The following ATP1B3 variants were observed in gnomAD, a reference collection of about 807,000 sequenced individuals.
ATP1B3 encodes ATPase Na+/K+ transporting subunit beta 3.
A neutral mutation model predicts 30.2 loss-of-function variants in ATP1B3; 10 were observed. The ratio of observed to expected loss-of-function variants is 0.33; its 90% confidence interval spans 0.20 to 0.56. ATP1B3 has a LOEUF of 0.56. Among genes scored for constraint, ATP1B3 ranks in the 20% least tolerant of loss-of-function variants. The probability of loss-of-function intolerance (pLI) is 0.90; values close to 1 mark genes in which losing one functional copy is unlikely to be tolerated. For missense variants in ATP1B3, 238 were observed against 336.7 expected, an observed-to-expected ratio of 0.71 and a Z score of 2.29; for synonymous variants, 113 against 117.0, an observed-to-expected ratio of 0.97 and a Z score of 0.22.
chr3:141,920,001 G>C (rs1287195914), intron 5 of ATP1B3, among the ~76,000 whole-genome samples: 1 of 152,018 alleles, frequency 6.6e-6, no homozygotes, highest in African/African-American at 2.4e-5. Context: ...TTCACCCTGA[G>C]TACCTCATTA....
intron 1 of ATP1B3, 35 bp downstream of exon 1, chr3:141,876,945 C>A: frequency 1.3e-6 from 2 of 1,508,220 alleles, no homozygotes; most frequent in Non-Finnish European, 1.8e-6. Flanking sequence ...CGGGGCCGGC[C>A]TCGGTCCCGG....
At chr3:141,882,834 C>T (rs1933754876) in intron 1 of ATP1B3, among the ~76,000 whole-genome samples, 1 of 152,166 alleles carries the variant, frequency 6.6e-6, no homozygotes, top group Non-Finnish European at 1.5e-5. Context: ...GATCCACATG[C>T]CTTGGCCTCC....
chr3:141,924,959 AAATT>A (rs895272231), intron 6 of ATP1B3, among the ~76,000 whole-genome samples: 4 of 152,114 alleles, frequency 2.6e-5, no homozygotes, highest in African/African-American at 9.6e-5. Context: ...CCTCACAAAA[AAATT>A]AATAATAATA....
intron 1 of ATP1B3, among the ~76,000 whole-genome samples, chr3:141,879,847 C>A (rs1933689007): frequency 1.3e-5 from 1 of 77,228 alleles, no homozygotes; most frequent in Admixed American, 1.3e-4. Context: ...AGAAAAACAG[C>A]CTTTTGTCAT....
chr3:141,904,703 C>CTTT (rs35178202), intron 2 of ATP1B3, among the ~76,000 whole-genome samples: 2,348 of 89,316 alleles, frequency 0.026, 167 homozygotes, highest in African/African-American at 0.092. Flanking sequence ...TTTAAACAGT[C>CTTT]TTTTTTTTTT....
At chr3:141,895,121 TTG>T (rs1161073113) in intron 1 of ATP1B3, among the ~76,000 whole-genome samples, 1 of 151,892 alleles carries the variant, frequency 6.6e-6, no homozygotes, top group Non-Finnish European at 1.5e-5. Flanking sequence ...TATGTTTTTT[TTG>T]GGGGGAGGGT....
intron 1 of ATP1B3, among the ~76,000 whole-genome samples, chr3:141,877,764 C>T (rs907197492): frequency 1.3e-5 from 2 of 150,006 alleles, no homozygotes; most frequent in African/African-American, 4.9e-5. Flanking sequence ...AACCATCTAC[C>T]GTGTAGAGTA....
intron 5 of ATP1B3, 129 bp from the exon 6 acceptor site, chr3:141,921,845 AATG>A: frequency 1.5e-5 from 8 of 528,042 alleles, no homozygotes; most frequent in Non-Finnish European, 1.3e-5. Context: ...ATACACTTGT[AATG>A]ATAATATAGT....
At chr3:141,887,397 C>G (rs1933856759) in intron 1 of ATP1B3, among the ~76,000 whole-genome samples, 1 of 152,150 alleles carries the variant, frequency 6.6e-6, no homozygotes, top group South Asian at 2.1e-4. Flanking sequence ...ATGTGAATAT[C>G]AGTAAGTCCA....
chr3:141,882,535 AC>A (rs1284342366), intron 1 of ATP1B3, among the ~76,000 whole-genome samples: 1 of 152,040 alleles, frequency 6.6e-6, no homozygotes, highest in African/African-American at 2.4e-5. Context: ...TGGCTTAGTT[AC>A]TATCTCTGTT....
chr3:141,906,225 G>A (rs1934263651), intron 2 of ATP1B3, among the ~76,000 whole-genome samples: 2 of 151,866 alleles, frequency 1.3e-5, no homozygotes, highest in South Asian at 4.1e-4. Flanking sequence ...TGTCGCCCAG[G>A]CTGGAGTGCA....
At chr3:141,918,143 G>C (rs1370286210) in intron 5 of ATP1B3, 1 of 152,140 alleles carries the variant, frequency 6.6e-6, no homozygotes, top group Non-Finnish European at 1.5e-5. Flanking sequence ...GAACACTATA[G>C]CTACAAGATA....
intron 1 of ATP1B3, chr3:141,903,058 T>A: frequency 3.9e-5 from 6 of 153,838 alleles, no homozygotes. Context: ...ACAAAGTGTT[T>A]CCTGGGCTAG....
intron 1 of ATP1B3, among the ~76,000 whole-genome samples, chr3:141,879,463 A>T (rs1435258672): frequency 6.6e-6 from 1 of 151,982 alleles, no homozygotes; most frequent in Non-Finnish European, 1.5e-5. Context: ...TACCTGTGTT[A>T]TCTCTTTTAA....
At chr3:141,910,222 T>TTTGGGAGG in intron 3 of ATP1B3, among the ~76,000 whole-genome samples, 1 of 152,178 alleles carries the variant, frequency 6.6e-6, no homozygotes, top group Non-Finnish European at 1.5e-5. Context: ...TCCACCTGCC[T>TTTGGGAGG]CCGCCTCCCA....
chr3:141,922,662 A>C (rs1934585668), intron 6 of ATP1B3, among the ~76,000 whole-genome samples: 1 of 151,968 alleles, frequency 6.6e-6, no homozygotes, highest in African/African-American at 2.4e-5. Context: ...CCCCCACCAA[A>C]AAAATAAATG....
rs1327884120 is a variant in ATP1B3, at chr3:141,910,805, T to G, written c.347-2847T>G. On this transcript the variant is annotated intron_variant, in intron 3 of 6. Transcript: ENST00000286371. ...CCCCTTTTTTTTAATTATTTTTATT[T>G]TTTCTCTTAATTTACTCCTTAGTTT... Among the ~76,000 whole-genome samples, 4 of 151,622 alleles carry G rather than the reference T, an allele frequency of 2.6e-5. No individual in the cohort carries two copies. The South Asian group carries it at 6.3e-4, about 24-fold the overall frequency.
Position 141,907,255 on chromosome 3 carries a change from C to A in ATP1B3, c.327C>A (p.Asp109Glu). ...DPTSYAGYIE[D>E]LKKFLKPYTL... ...CTTCGTATGCAGGGTACATTGAAGA[C>A]CTTAAGAAGTTTCTAAAACGTGAGT... Residue 109 changes from aspartate to glutamate, a missense_variant, in exon 3 of 7, where the codon GAC becomes GAA. Asp to Glu is a conservative substitution (Grantham distance 45). Around this residue, in one of 3 missense-constraint regions of ATP1B3, gnomAD observed 130 missense variants for 148.8 expected, o/e 0.87. Transcript: ENST00000286371. 1.2e-6 allele frequency: 2 copies of A among 1,609,978 alleles called. No individual in the cohort carries two copies. The highest frequency in any genetic ancestry group is 1.7e-6 in the Non-Finnish European group (2 of 1,178,154).
intron 1 of ATP1B3, among the ~76,000 whole-genome samples, chr3:141,891,205 G>C (rs1419337297): frequency 6.6e-6 from 1 of 152,018 alleles, no homozygotes; most frequent in Non-Finnish European, 1.5e-5. Flanking sequence ...CTTGATTCCT[G>C]TGTATCATCA....
Sources: allele counts gnomAD v4.1 joint callset (sites outside exome capture counted in the v4.1 genomes callset), GRCh38; gene constraint gnomAD v4.1.1; regional missense constraint gnomAD v4.1.1; transcripts MANE v1.5; gene names NCBI Gene and HGNC (gene_info 2026-07-23, HGNC 2026-07-21).